The following SLCO3A1 variants were observed in gnomAD, a reference collection of about 807,000 sequenced individuals.
The protein encoded by SLCO3A1 is solute carrier organic anion transporter family member 3A1.
SLCO3A1 carries 27 observed loss-of-function variants against 63.1 expected under a neutral mutation model. That is an observed-to-expected ratio of 0.43 (90% CI 0.32 to 0.59). The LOEUF (loss-of-function observed/expected upper bound fraction) is 0.59. Among genes scored for constraint, SLCO3A1 ranks in the 20% least tolerant of loss-of-function variants. The pLI is 0.09. For missense variants in SLCO3A1, 773 were observed against 945.8 expected (o/e 0.82, Z 2.40); for synonymous variants, 473 against 409.9 (o/e 1.15, Z -1.86).
chr15:92,001,410 A>C (rs890182033), intron 2 of SLCO3A1, among the ~76,000 whole-genome samples: 1 of 151,946 alleles, frequency 6.6e-6, no homozygotes, highest in Non-Finnish European at 1.5e-5. Context: ...TCCATTAGGA[A>C]CCTTCTGGCT....
chr15:92,136,156 G>T (rs2048054572), intron 7 of SLCO3A1, among the ~76,000 whole-genome samples: 1 of 152,200 alleles, frequency 6.6e-6, no homozygotes. Flanking sequence ...TCTGCTAACT[G>T]CTTTCAAGGA....
intron 2 of SLCO3A1, among the ~76,000 whole-genome samples, chr15:92,057,743 G>T (rs952832872): frequency 6.6e-6 from 1 of 152,214 alleles, no homozygotes; most frequent in African/African-American, 2.4e-5. Flanking sequence ...ATAATCAGAG[G>T]CTGCATGAGC....
At chr15:92,134,821 G>A (rs1429431170) in intron 7 of SLCO3A1, among the ~76,000 whole-genome samples, 1 of 152,174 alleles carries the variant, frequency 6.6e-6, no homozygotes, top group African/African-American at 2.4e-5. Flanking sequence ...GGAAGCAGCT[G>A]TGTAGACAAA....
At position 91,954,684 on chromosome 15, in the gene SLCO3A1, A is replaced by G. The variant is rs1251745590; in HGVS notation, c.646+38226A>G. Reference sequence around the variant, plus strand: ...CCATATATGATTTTTATCAGGGTGGAGCCCCTGTGGTTAGAGCCCAATGAG... The same window carrying G: ...CCATATATGATTTTTATCAGGGTGGGGCCCCTGTGGTTAGAGCCCAATGAG... On this transcript the variant is annotated intron_variant, in intron 2 of 9. Coordinates refer to ENST00000318445, the MANE Select transcript of SLCO3A1 (RefSeq NM_013272.4). This position sits in a 1 kb window ranked among gnomAD's most constrained non-coding sequence, Gnocchi z 4.7. Among the ~76,000 whole-genome samples, 1 of 151,814 alleles carries G rather than the reference A, an allele frequency of 6.6e-6. No individual in the cohort carries two copies. The highest frequency in any genetic ancestry group is 1.5e-5 in the Non-Finnish European group (1 of 67,980).
At chr15:91,981,940 T>C (rs1232552026) in intron 2 of SLCO3A1, among the ~76,000 whole-genome samples, 1 of 152,264 alleles carries the variant, frequency 6.6e-6, no homozygotes, top group African/African-American at 2.4e-5. Context: ...GTGAGCACGC[T>C]TTGATGCTGC....
chr15:91,914,557 T>G (rs1403857686), intron 1 of SLCO3A1, among the ~76,000 whole-genome samples: 1 of 148,976 alleles, frequency 6.7e-6, no homozygotes, highest in Non-Finnish European at 1.5e-5. Context: ...CCTTTCCAAC[T>G]ATTTTCTTCC....
At chr15:92,000,539 G>GA (rs372589745) in intron 2 of SLCO3A1, among the ~76,000 whole-genome samples, 8 of 58,618 alleles carry the variant, frequency 1.4e-4, no homozygotes, top group South Asian at 6.3e-4. Context: ...GTTGAATGCA[G>GA]AAAAAAAAGG....
At chr15:92,042,806 G>C (rs1207790455) in intron 2 of SLCO3A1, among the ~76,000 whole-genome samples, 1 of 152,120 alleles carries the variant, frequency 6.6e-6, no homozygotes, top group Non-Finnish European at 1.5e-5. Context: ...GCAAGCACAG[G>C]ACAGGCCTAG....
intron 2 of SLCO3A1, among the ~76,000 whole-genome samples, chr15:92,068,128 G>T (rs2047173278): frequency 6.6e-6 from 1 of 152,146 alleles, no homozygotes; most frequent in African/African-American, 2.4e-5. Context: ...AGCAGTACTT[G>T]GCCAGGCTAC....
At position 92,126,212 on chromosome 15, in the gene SLCO3A1, C is replaced by T; in HGVS notation, c.1326C>T (p.Gly442=). The change falls in exon 6 of 10, where the codon GGC becomes GGT. Residue 442 remains glycine, a synonymous_variant. Transcript: ENST00000318445. ...TACYVSFLFL[G]CDTGPVAGVT... ...GCTACGTCTCCTTCCTCTTCCTGGGCTGCGACACTGGCCCTGTGGCTGGGG... is the reference window on the plus strand; with the variant it reads ...GCTACGTCTCCTTCCTCTTCCTGGGTTGCGACACTGGCCCTGTGGCTGGGG... The T allele has an allele frequency of 6.2e-7, 1 of 1,614,088 alleles. No homozygotes were observed. Among genetic ancestry groups the T allele is most frequent in the Admixed American group, 1.7e-5 (1 of 60,022 alleles).
chr15:92,095,195 G>A (rs905223293), intron 3 of SLCO3A1, among the ~76,000 whole-genome samples: 1 of 152,142 alleles, frequency 6.6e-6, no homozygotes, highest in African/African-American at 2.4e-5. Context: ...TCTACCTAGA[G>A]GCTGAATAAC....
At chr15:91,881,043 G>A (rs1239297822) in intron 1 of SLCO3A1, among the ~76,000 whole-genome samples, 1 of 152,184 alleles carries the variant, frequency 6.6e-6, no homozygotes, top group African/African-American at 2.4e-5. Context: ...CTTGGGTGGA[G>A]GCTCTGTGTG....
At position 91,900,179 on chromosome 15, in the gene SLCO3A1, A is replaced by T. The variant is rs1377287547; in HGVS notation, c.181-15814A>T. On this transcript the variant is annotated intron_variant, in intron 1 of 9. Transcript: ENST00000318445. The surrounding 1 kb of genome is among the most constrained non-coding windows in gnomAD (Gnocchi z 4.3). The stretch of plus-strand genomic sequence containing the variant: ...TACCTGGGAGTAGAATTACTGGGTC[A>T]TGTGGTAAATTTATGCTTAACTTTT... 6.6e-6 allele frequency among the ~76,000 whole-genome samples: 1 copy of T among 152,236 alleles called. No individual in the cohort carries two copies. Among genetic ancestry groups the T allele is most frequent in the Non-Finnish European group, 1.5e-5 (1 of 68,048 alleles).
intron 9 of SLCO3A1, among the ~76,000 whole-genome samples, chr15:92,157,597 TCTC>T (rs2151600147): frequency 6.6e-6 from 1 of 152,134 alleles, no homozygotes; most frequent in South Asian, 2.1e-4. Context: ...TTCAAGCGAT[TCTC>T]CTGCCTCAGC....
chr15:92,038,687 T>G (rs2046757531), intron 2 of SLCO3A1, among the ~76,000 whole-genome samples: 1 of 152,152 alleles, frequency 6.6e-6, no homozygotes, highest in Admixed American at 6.5e-5. Flanking sequence ...CCAAAGTAAT[T>G]TATAGATGCA....
intron 1 of SLCO3A1, among the ~76,000 whole-genome samples, chr15:91,914,567 C>CATT (rs761673644): frequency 8.2e-6 from 1 of 122,276 alleles, no homozygotes; most frequent in Non-Finnish European, 1.7e-5. Flanking sequence ...TATTTTCTTC[C>CATT]TTTTTTTTTT....
intron 1 of SLCO3A1, among the ~76,000 whole-genome samples, chr15:91,857,472 G>C (rs1203701577): frequency 6.6e-6 from 1 of 152,196 alleles, no homozygotes; most frequent in African/African-American, 2.4e-5. Flanking sequence ...GGAGAGGCCT[G>C]CTCGGTTTGA....
chr15:92,104,257 G>T, intron 3 of SLCO3A1, 22 bp from the exon 4 acceptor site: 1 of 1,613,236 alleles, frequency 6.2e-7, no homozygotes. Context: ...TCTCCACTAA[G>T]CTGTGCTCTT....
At chr15:92,046,192 C>A (rs1294225604) in intron 2 of SLCO3A1, among the ~76,000 whole-genome samples, 1 of 151,998 alleles carries the variant, frequency 6.6e-6, no homozygotes, top group Non-Finnish European at 1.5e-5. Flanking sequence ...ATTGGACAGC[C>A]TACAGTGGAC....
Sources: allele counts gnomAD v4.1 joint callset (sites outside exome capture counted in the v4.1 genomes callset), GRCh38; gene constraint gnomAD v4.1.1; non-coding constraint Gnocchi (gnomAD v3.1); transcripts MANE v1.5; gene names NCBI Gene and HGNC (gene_info 2026-07-23, HGNC 2026-07-21).